The following MIER2 variants were observed in gnomAD, a reference collection of about 807,000 sequenced individuals.
MIER2 encodes mesoderm induction early response protein 2.
A neutral mutation model predicts 67.6 loss-of-function variants in MIER2; 30 were observed. The ratio of observed to expected loss-of-function variants is 0.44; its 90% CI spans 0.33 to 0.60. The LOEUF (loss-of-function observed/expected upper bound fraction) is 0.60, where lower values mean the gene tolerates loss of function less well. MIER2 is among the 20% of genes least tolerant of loss of function. MIER2 has a pLI of 0.02. For missense variants in MIER2, 702 were observed against 745.1 expected, an observed-to-expected ratio of 0.94 and a Z score of 0.67; for synonymous variants, 372 against 312.6, an observed-to-expected ratio of 1.19 and a Z score of -2.00.
At chr19:307,092 A>T (rs767884774) in intron 13 of MIER2, 27 bp downstream of exon 13, 1 of 1,556,384 alleles carries the variant, frequency 6.4e-7, no homozygotes, top group African/African-American at 1.4e-5. Context: ...AGTGTTGCGG[A>T]GGCTCCGGGC....
At position 306,570 on chromosome 19, in the gene MIER2, A is replaced by T; in HGVS notation, c.*120T>A. 7.5e-7 allele frequency: 1 copy of T among 1,326,028 alleles called. No homozygotes were observed. Among genetic ancestry groups the T allele is most frequent in the Non-Finnish European group, 1.1e-6 (1 of 950,452 alleles). The allele number at this position is 1,326,028 out of a possible 1,614,324, so 82.1% of individuals were successfully genotyped here. On this transcript the variant is annotated 3_prime_UTR_variant, in exon 14 of 14. Coordinates refer to ENST00000264819, the MANE Select transcript of MIER2 (RefSeq NM_017550.3). Reference sequence around the variant, plus strand: ...CCCCAGTCCTGACGTGTTCTGAAGCAGAAGGAGGTGCTACCCCAAGGCCCG... The same window carrying T: ...CCCCAGTCCTGACGTGTTCTGAAGCTGAAGGAGGTGCTACCCCAAGGCCCG...
intron 10 of MIER2, among the ~76,000 whole-genome samples, chr19:310,781 G>A (rs1013214715): frequency 4.9e-5 from 7 of 143,944 alleles, no homozygotes; most frequent in Non-Finnish European, 9.0e-5. Context: ...ATAGAAACAC[G>A]GCCCAGAGTC....
rs1356145116 is a variant in MIER2 at position 305,773 on chromosome 19, C to G, written c.*917G>C. ...CCCCACTCCAACGTGTAAACAGAAA[C>G]AGAAACGAACGAGAGGGCCAGGGAG... On this transcript the variant is annotated 3_prime_UTR_variant, in exon 14 of 14. Coordinates refer to ENST00000264819, the MANE Select transcript of MIER2 (RefSeq NM_017550.3). 6.6e-6 allele frequency: 1 copy of G among 152,526 alleles called. No homozygotes were observed. Among genetic ancestry groups the G allele is most frequent in the African/African-American group, 2.4e-5 (1 of 41,436 alleles). 9.4% of individuals were successfully genotyped at this position (152,526 alleles called of 1,614,324 possible).
At chr19:323,278 G>A (rs1568227314) in intron 7 of MIER2, among the ~76,000 whole-genome samples, 3 of 131,042 alleles carry the variant, frequency 2.3e-5, no homozygotes, top group South Asian at 2.3e-4. Flanking sequence ...ACACAACCAC[G>A]GCATCCAAAC....
At chr19:334,618 T>G (rs1192778871) in intron 2 of MIER2, 76 bp from the exon 3 acceptor site, 1 of 1,555,416 alleles carries the variant, frequency 6.4e-7, no homozygotes, top group Non-Finnish European at 8.7e-7. Flanking sequence ...TACTGACGCC[T>G]GGTGAAGCCC....
chr19:327,407 G>A (rs1006024117), intron 4 of MIER2, 151 bp from the exon 5 acceptor site: 5 of 1,059,058 alleles, frequency 4.7e-6, no homozygotes, highest in African/African-American at 3.3e-5. Flanking sequence ...AGCGTGGGGG[G>A]AGCGGGGATG....
At position 308,864 on chromosome 19, in the gene MIER2, C is replaced by T. The variant is rs757065357; in HGVS notation, c.1046G>A (p.Arg349His). 15 of 1,611,718 alleles carry T rather than the reference C, an allele frequency of 9.3e-6. No individual in the cohort carries two copies. Among genetic ancestry groups the T allele is most frequent in the Admixed American group, 1.7e-5 (1 of 59,998 alleles). ...EYYYLWKKSE[R>H]YDYFAQQTRL... ...CGTCTGCTGGGCGAAGTAGTCGTAG[C>T]GCTCCGACTTCTTCCACAGGTAGTA... Residue 349 changes from arginine (R) to histidine (H), a missense_variant, in exon 11 of 14, where the codon CGC becomes CAC. Arg to His is a conservative substitution (Grantham distance 29). Transcript: ENST00000264819. The surrounding 1 kb of genome is among the most constrained non-coding windows in gnomAD (Gnocchi z 9.1).
At chr19:307,736 T>C (rs961167322) in intron 12 of MIER2, among the ~76,000 whole-genome samples, 200 bp from the exon 13 acceptor site, 1 of 135,090 alleles carries the variant, frequency 7.4e-6, no homozygotes, top group Non-Finnish European at 1.6e-5. Flanking sequence ...TAGATTTTAG[T>C]TCATCAGACC....
intron 1 of MIER2, among the ~76,000 whole-genome samples, chr19:337,229 C>T (rs1226706646): frequency 6.6e-6 from 1 of 152,098 alleles, no homozygotes; most frequent in Non-Finnish European, 1.5e-5. Flanking sequence ...TTATAAGCCA[C>T]GACCAAGTAA....
chr19:326,483 T>C (rs1269819051), intron 6 of MIER2, 24 bp downstream of exon 6: 1 of 1,602,930 alleles, frequency 6.2e-7, no homozygotes, highest in East Asian at 2.2e-5. Flanking sequence ...GATGCCAGGT[T>C]GGGGAGATGG....
chr19:309,550 C>CA (rs1467039204), intron 10 of MIER2, among the ~76,000 whole-genome samples: 5 of 148,766 alleles, frequency 3.4e-5, no homozygotes, highest in East Asian at 2.0e-4. Flanking sequence ...CACATGCACA[C>CA]AGGCTTCAGG....
rs58922652 is a variant in MIER2, at chr19:317,293, T to G, written c.656-3650A>C. ...CTGTAATCCCAGCACTTTGGGAGGC[T>G]GAGGCGGGCGGATCACGAGGTCAGG... On this transcript the variant is annotated intron_variant, in intron 7 of 13. Transcript: ENST00000264819. Among the ~76,000 whole-genome samples, 4 of 150,862 alleles carry G rather than the reference T, an allele frequency of 2.7e-5. No individual in the cohort carries two copies. In the South Asian group the frequency reaches 8.4e-4, roughly 32 times the overall value.
intron 3 of MIER2, 128 bp downstream of exon 3, chr19:334,272 T>C: frequency 1.5e-6 from 2 of 1,352,270 alleles, no homozygotes; most frequent in Non-Finnish European, 2.0e-6. Flanking sequence ...TAGGACAGCA[T>C]CTGGCACTTT....
chr19:316,289 A>G (rs940104197), intron 7 of MIER2, among the ~76,000 whole-genome samples: 1 of 150,368 alleles, frequency 6.7e-6, no homozygotes, highest in African/African-American at 2.5e-5. Context: ...TCATCTTGTG[A>G]TATGTAGATT....
chr19:340,163 G>A (rs985788123), intron 1 of MIER2, among the ~76,000 whole-genome samples: 2 of 152,316 alleles, frequency 1.3e-5, no homozygotes, highest in South Asian at 2.1e-4. Flanking sequence ...AGTTACCCAA[G>A]CTCACACAGC....
At chr19:317,531 A>T (rs1160141075) in intron 7 of MIER2, among the ~76,000 whole-genome samples, 1 of 143,928 alleles carries the variant, frequency 6.9e-6, no homozygotes, top group Non-Finnish European at 1.5e-5. Context: ...TGTCTCAGAA[A>T]AAATAAATAA....
intron 1 of MIER2, among the ~76,000 whole-genome samples, chr19:343,235 G>A (rs1439971873): frequency 6.6e-6 from 1 of 152,204 alleles, no homozygotes; most frequent in African/African-American, 2.4e-5. Context: ...GCAGCTCTGG[G>A]GGAGGCTGGC....
intron 6 of MIER2, among the ~76,000 whole-genome samples, chr19:326,176 C>T (rs571457428): frequency 2.2e-4 from 33 of 152,178 alleles, no homozygotes; most frequent in African/African-American, 7.5e-4. Context: ...ACGGCAGAAC[C>T]ACGGCTGGGA....
At chr19:313,456 C>A (rs749264097) in intron 8 of MIER2, 36 bp downstream of exon 8, 3 of 1,599,920 alleles carry the variant, frequency 1.9e-6, no homozygotes, top group Non-Finnish European at 2.5e-6. Flanking sequence ...CCACGGCAGC[C>A]CTCAGCCCCT....
Sources: gnomAD v4.1 joint callset for allele counts (sites outside exome capture counted in the v4.1 genomes callset) on GRCh38, gnomAD v4.1.1 for gene constraint, Gnocchi (gnomAD v3.1) non-coding constraint, MANE v1.5 for transcripts, NCBI Gene and HGNC (gene_info 2026-07-23, HGNC 2026-07-21) for gene names.